Variants in SLC17A1 observed in about 807,000 individuals in gnomAD.
The protein encoded by SLC17A1 is solute carrier family 17 member 1.
In SLC17A1, 51 loss-of-function variants were observed where a neutral mutation model predicts 53.5. That is an observed-to-expected ratio of 0.95 (90% CI 0.76 to 1.20). The LOEUF is 1.20. SLC17A1 is among the 50% of genes most tolerant of loss of function. SLC17A1 has a pLI of 0.00. For synonymous variants in SLC17A1, 179 were observed against 198.8 expected (o/e 0.90, Z 0.84); for missense variants, 538 against 568.2 (o/e 0.95, Z 0.54).
chr6:25,728,929 A>G, the SLC17A1 span, among the ~76,000 whole-genome samples: 1 of 152,250 alleles, frequency 6.6e-6, no homozygotes, highest in Non-Finnish European at 1.5e-5. Context: ...TTAGCTGGGA[A>G]ATCTTCCAGG....
chr6:25,785,539 A>G (rs1293332247), intron 12 of SLC17A1, among the ~76,000 whole-genome samples: 1 of 152,186 alleles, frequency 6.6e-6, no homozygotes, highest in Non-Finnish European at 1.5e-5. Flanking sequence ...GTAAAAAAAG[A>G]CAACCTATAA....
At chr6:25,818,538 A>G (rs1165152) in intron 6 of SLC17A1, among the ~76,000 whole-genome samples, 100,540 of 152,112 alleles carry the variant, frequency 0.66, 34,952 homozygotes, top group African/African-American at 0.87. Context: ...TATCAAATGG[A>G]CATAATAGAA....
At chr6:25,803,467 C>A (rs1456339598) in intron 10 of SLC17A1, among the ~76,000 whole-genome samples, 1 of 152,070 alleles carries the variant, frequency 6.6e-6, no homozygotes, top group Non-Finnish European at 1.5e-5. Flanking sequence ...GTACTAACCC[C>A]ACAAGGTACA....
At chr6:25,781,527 A>T (rs2151470216), downstream of SLC17A1, among the ~76,000 whole-genome samples, 1 of 152,298 alleles carries the variant, frequency 6.6e-6, no homozygotes, top group Non-Finnish European at 1.5e-5. Context: ...GAGGCTGGGT[A>T]ACTTATGAAG....
At chr6:25,793,925 T>C (rs908556512) in intron 12 of SLC17A1, among the ~76,000 whole-genome samples, 1 of 152,198 alleles carries the variant, frequency 6.6e-6, no homozygotes, top group Non-Finnish European at 1.5e-5. Context: ...GCTGATTGGC[T>C]AACTGGGCTT....
At chr6:25,726,772 G>C in the SLC17A1 span, 4 of 1,197,222 alleles carry the variant, frequency 3.3e-6, no homozygotes, top group South Asian at 3.0e-5. Flanking sequence ...TCATCCTCCA[G>C]TTCTGTTTGT....
chr6:25,752,691 G>A, the SLC17A1 span, among the ~76,000 whole-genome samples: 13 of 152,226 alleles, frequency 8.5e-5, no homozygotes, highest in South Asian at 6.2e-4. Context: ...GGTGGCTCAC[G>A]CCTGTAATCC....
chr6:25,777,981 A>G (rs539406650), downstream of SLC17A1: 5 of 1,612,946 alleles, frequency 3.1e-6, no homozygotes, highest in South Asian at 2.2e-5. Context: ...AGCTGGAGCC[A>G]TCTCTCCTAC....
the SLC17A1 span, among the ~76,000 whole-genome samples, chr6:25,725,961 T>G: frequency 1.3e-5 from 2 of 152,184 alleles, no homozygotes; most frequent in Non-Finnish European, 2.9e-5. Flanking sequence ...TCAGTCCCCG[T>G]ACATTCCCGA....
chr6:25,731,761 C>T, the SLC17A1 span: 1 of 1,503,306 alleles, frequency 6.7e-7, no homozygotes, highest in South Asian at 1.2e-5. Flanking sequence ...TTGTGGAGCT[C>T]ATCTGCTGGC....
the SLC17A1 span, among the ~76,000 whole-genome samples, chr6:25,727,851 C>T: frequency 6.6e-6 from 1 of 151,908 alleles, no homozygotes; most frequent in Non-Finnish European, 1.5e-5. Flanking sequence ...AACTCCGTCT[C>T]TACTAAAAAT....
chr6:25,811,381 G>A lies in SLC17A1; in HGVS notation c.1178+17C>T, dbSNP rs772333660. On this transcript the variant is annotated intron_variant, in intron 10 of 12. Transcript: ENST00000244527. ...TATTTGTTAAAGGTTAAAAAAAAGC[G>A]TATAAACAAATCCTACCTGGGAGCA... 92 of 1,595,884 alleles carry A rather than the reference G, an allele frequency of 5.8e-5. No homozygotes were observed. In the Admixed American group the frequency reaches 6.4e-4, roughly 11 times the overall value.
At chr6:25,785,774 T>G (rs1361408700) in intron 12 of SLC17A1, among the ~76,000 whole-genome samples, 1 of 152,006 alleles carries the variant, frequency 6.6e-6, no homozygotes, top group African/African-American at 2.4e-5. Flanking sequence ...AAAACCATAA[T>G]GAGATGCCAC....
At chr6:25,810,720 C>T (rs897026424) in intron 10 of SLC17A1, among the ~76,000 whole-genome samples, 3 of 152,090 alleles carry the variant, frequency 2.0e-5, no homozygotes, top group African/African-American at 7.2e-5. Flanking sequence ...AAAAGTATAA[C>T]CACTATATGA....
chr6:25,785,671 T>C (rs1459152483), intron 12 of SLC17A1, among the ~76,000 whole-genome samples: 1 of 152,086 alleles, frequency 6.6e-6, no homozygotes, highest in East Asian at 1.9e-4. Flanking sequence ...GCAAACACAC[T>C]GAATATATAT....
At chr6:25,770,552 A>T in the SLC17A1 span, 2 of 1,249,408 alleles carry the variant, frequency 1.6e-6, no homozygotes, top group Admixed American at 1.7e-5. Flanking sequence ...CCAAGATCTT[A>T]TATATCAATC....
chr6:25,753,215 G>A, the SLC17A1 span, among the ~76,000 whole-genome samples: 1 of 152,146 alleles, frequency 6.6e-6, no homozygotes, highest in Non-Finnish European at 1.5e-5. Flanking sequence ...TCACTGACAG[G>A]AGGAACTGCA....
chr6:25,831,176 G>C (rs1581508993), intron 1 of SLC17A1, among the ~76,000 whole-genome samples: 1 of 152,136 alleles, frequency 6.6e-6, no homozygotes, highest in South Asian at 2.1e-4. Context: ...CGTGGATAGA[G>C]CAGCCACTGA....
At chr6:25,751,328 C>G in the SLC17A1 span, among the ~76,000 whole-genome samples, 128 of 152,278 alleles carry the variant, frequency 8.4e-4, 1 homozygote, top group South Asian at 0.011. Flanking sequence ...AGTTTACTAA[C>G]TAAATAATTT....
Sources: allele counts gnomAD v4.1 joint callset (sites outside exome capture counted in the v4.1 genomes callset), GRCh38; gene constraint gnomAD v4.1.1; transcripts MANE v1.5; gene names NCBI Gene and HGNC (gene_info 2026-07-23, HGNC 2026-07-21).